Variants in BNC2 observed in about 807,000 individuals in gnomAD.
BNC2 encodes basonuclin zinc finger protein 2.
Under a neutral mutation model 76.3 loss-of-function variants are expected in BNC2, and 20 were observed. The ratio of observed to expected loss-of-function variants is 0.26; its 90% CI spans 0.18 to 0.38. The LOEUF is 0.38. BNC2 is among the 10% of genes least tolerant of loss of function. The probability of loss-of-function intolerance (pLI) is 1.00; values close to 1 mark genes in which losing one functional copy is unlikely to be tolerated. For missense variants in BNC2, 1,382 were observed against 1,399.8 expected (o/e 0.99, Z 0.20); for synonymous variants, 582 against 514.8 (o/e 1.13, Z -1.77).
At chr9:16,680,309 G>T (rs1019957113) in intron 3 of BNC2, among the ~76,000 whole-genome samples, 3 of 151,976 alleles carry the variant, frequency 2.0e-5, no homozygotes, top group Non-Finnish European at 2.9e-5. Flanking sequence ...TGTTGATTCT[G>T]ATGTGGGTAT....
intron 3 of BNC2, among the ~76,000 whole-genome samples, chr9:16,617,121 G>A (rs944908691): frequency 2.0e-5 from 3 of 152,070 alleles, no homozygotes; most frequent in African/African-American, 7.2e-5. Flanking sequence ...AAATTGATAT[G>A]GGGTCATGAT....
chr9:16,426,054 A>G (rs1820799130), intron 6 of BNC2, among the ~76,000 whole-genome samples: 1 of 152,262 alleles, frequency 6.6e-6, no homozygotes, highest in Non-Finnish European at 1.5e-5. Flanking sequence ...ATGTTTTCAC[A>G]GCATTTGGAA....
intron 3 of BNC2, among the ~76,000 whole-genome samples, chr9:16,667,277 T>C (rs1175191780): frequency 6.6e-6 from 1 of 152,236 alleles, no homozygotes; most frequent in Non-Finnish European, 1.5e-5. Context: ...TGGAGTGCTG[T>C]CTATGTTTAT....
intron 5 of BNC2, among the ~76,000 whole-genome samples, chr9:16,535,534 G>C (rs1231750494): frequency 2.0e-5 from 3 of 151,966 alleles, no homozygotes; most frequent in East Asian, 3.9e-4. Context: ...TAACCCTGCT[G>C]TTTATCCTCC....
Position 16,511,032 on chromosome 9 carries a change from C to T in BNC2, c.669+41498G>A, listed in dbSNP as rs560792692. 1.1e-4 allele frequency among the ~76,000 whole-genome samples: 16 copies of T among 151,676 alleles called. No homozygotes were observed. In the South Asian group the frequency reaches 2.7e-3, roughly 26 times the overall value. The stretch of plus-strand genomic sequence containing the variant: ...AAGGCAGAGAGAAGGATAGGCAAAA[C>T]TTGGAATAGCCACTTAGCTTTTGTT... On this transcript the variant is annotated intron_variant, in intron 5 of 6. Transcript: ENST00000380672.
At chr9:16,449,747 G>A (rs1264895601) in intron 5 of BNC2, among the ~76,000 whole-genome samples, 1 of 149,810 alleles carries the variant, frequency 6.7e-6, no homozygotes, top group African/African-American at 2.4e-5. Flanking sequence ...GCATTTCAGA[G>A]CTGATAGCTT....
chr9:16,675,790 G>A (rs1169304623), intron 3 of BNC2, among the ~76,000 whole-genome samples: 1 of 152,060 alleles, frequency 6.6e-6, no homozygotes. Context: ...GCTTTGGCCG[G>A]GCTCGGTGGC....
chr9:16,751,398 T>A (rs924738180), intron 1 of BNC2, among the ~76,000 whole-genome samples: 1 of 151,844 alleles, frequency 6.6e-6, no homozygotes, highest in Non-Finnish European at 1.5e-5. Context: ...AAACACAGTA[T>A]CACATCTAAG....
At chr9:16,803,413 G>C (rs1444272478) in intron 1 of BNC2, among the ~76,000 whole-genome samples, 1 of 152,198 alleles carries the variant, frequency 6.6e-6, no homozygotes, top group Admixed American at 6.5e-5. Context: ...AACGAAGGGA[G>C]GCAAGGGCTG....
intron 5 of BNC2, among the ~76,000 whole-genome samples, chr9:16,450,393 G>A (rs1426358550): frequency 1.3e-5 from 2 of 152,324 alleles, no homozygotes; most frequent in African/African-American, 2.4e-5. Context: ...AAATGTTTGT[G>A]TGAGAACAGG....
intron 5 of BNC2, among the ~76,000 whole-genome samples, chr9:16,540,261 T>C (rs1489296152): frequency 1.3e-5 from 2 of 149,046 alleles, no homozygotes; most frequent in African/African-American, 5.0e-5. Context: ...TATCTGCATA[T>C]AAAAATTTTG....
intron 3 of BNC2, among the ~76,000 whole-genome samples, chr9:16,670,543 G>T (rs942353376): frequency 1.2e-4 from 18 of 152,234 alleles, no homozygotes; most frequent in Middle Eastern, 3.4e-3. Context: ...CAAAATCAAG[G>T]ACATAGGATA....
intron 5 of BNC2, among the ~76,000 whole-genome samples, chr9:16,465,806 A>T (rs750190451): frequency 2.0e-5 from 3 of 152,214 alleles, no homozygotes; most frequent in Non-Finnish European, 4.4e-5. Context: ...TGCAATTAAA[A>T]TGCCTTCTTC....
chr9:16,777,201 G>C (rs556765997), intron 1 of BNC2, among the ~76,000 whole-genome samples: 1 of 152,124 alleles, frequency 6.6e-6, no homozygotes, highest in East Asian at 1.9e-4. Flanking sequence ...ACAGTGGTTT[G>C]GGGCAGACAA....
At chr9:16,620,206 A>T (rs1820825291) in intron 3 of BNC2, among the ~76,000 whole-genome samples, 1 of 152,198 alleles carries the variant, frequency 6.6e-6, no homozygotes, top group Non-Finnish European at 1.5e-5. Context: ...AGAAAAAATC[A>T]TTCTGAATTC....
intron 3 of BNC2, among the ~76,000 whole-genome samples, chr9:16,608,437 T>C (rs941820099): frequency 2.0e-5 from 3 of 150,978 alleles, no homozygotes; most frequent in African/African-American, 7.3e-5. Flanking sequence ...TCCTTAAAAC[T>C]AAAAGAAAAA....
At chr9:16,816,442 C>A (rs1237827332) in intron 1 of BNC2, among the ~76,000 whole-genome samples, 1 of 152,160 alleles carries the variant, frequency 6.6e-6, no homozygotes, top group Non-Finnish European at 1.5e-5. Context: ...TGTTAAATAC[C>A]AAGCTGGGCA....
At chr9:16,639,219 T>C (rs528582998) in intron 3 of BNC2, among the ~76,000 whole-genome samples, 2 of 152,286 alleles carry the variant, frequency 1.3e-5, no homozygotes, top group Middle Eastern at 3.5e-3. Flanking sequence ...CAAAACCAAA[T>C]TTTAGTTCAA....
At chr9:16,719,497 G>A (rs529890627) in intron 3 of BNC2, among the ~76,000 whole-genome samples, 6 of 152,164 alleles carry the variant, frequency 3.9e-5, no homozygotes, top group East Asian at 1.9e-4. Flanking sequence ...CAGGTACTCC[G>A]ATCATAAAAT....
Sources: allele counts gnomAD v4.1 joint callset (sites outside exome capture counted in the v4.1 genomes callset), GRCh38; gene constraint gnomAD v4.1.1; transcripts MANE v1.5; gene names NCBI Gene and HGNC (gene_info 2026-07-23, HGNC 2026-07-21).